Variants in ZNF503 observed in about 807,000 individuals in gnomAD.
ZNF503 encodes the protein zinc finger protein 503.
In ZNF503, 15 loss-of-function variants were observed where a neutral mutation model predicts 34.4. The ratio of observed to expected loss-of-function variants is 0.44; its 90% CI spans 0.29 to 0.67. The LOEUF is 0.67. Ranked by LOEUF, ZNF503 falls within the 30% of genes least tolerant of loss-of-function variation. The pLI is 0.13. For missense variants in ZNF503, 1,007 were observed against 926.8 expected (o/e 1.09, Z -1.12); for synonymous variants, 580 against 456.8 (o/e 1.27, Z -3.44).
chr10:75,348,955 A>G, the ZNF503 span, among the ~76,000 whole-genome samples: 2 of 151,888 alleles, frequency 1.3e-5, no homozygotes, highest in Non-Finnish European at 2.9e-5. Context: ...ACGTTTTGCT[A>G]TATACTCTCT....
chr10:75,370,130 A>T, the ZNF503 span, among the ~76,000 whole-genome samples: 1 of 152,108 alleles, frequency 6.6e-6, no homozygotes, highest in African/African-American at 2.4e-5. Context: ...GGGAGGTTAG[A>T]GTACAACAGA....
At chr10:75,324,019 G>T in the ZNF503 span, among the ~76,000 whole-genome samples, 1 of 147,022 alleles carries the variant, frequency 6.8e-6, no homozygotes, top group African/African-American at 2.5e-5. Flanking sequence ...AAAAAGGGTT[G>T]CTTGTTTTCT....
the ZNF503 span, among the ~76,000 whole-genome samples, chr10:75,378,508 C>A: frequency 1.3e-5 from 2 of 151,910 alleles, no homozygotes; most frequent in Non-Finnish European, 2.9e-5. Context: ...TATCCATGAC[C>A]CACTCTCTCC....
chr10:75,320,114 T>G, the ZNF503 span, among the ~76,000 whole-genome samples: 2 of 152,140 alleles, frequency 1.3e-5, no homozygotes, highest in African/African-American at 4.8e-5. Context: ...TAAAACTAGA[T>G]AAAGAGAGTA....
At chr10:75,331,931 C>T in the ZNF503 span, among the ~76,000 whole-genome samples, 7 of 151,966 alleles carry the variant, frequency 4.6e-5, no homozygotes, top group African/African-American at 7.2e-5. Context: ...ATACTTTTGT[C>T]TCTTTTTACT....
chr10:75,283,200 G>A, the ZNF503 span: 1 of 152,272 alleles, frequency 6.6e-6, no homozygotes, highest in Admixed American at 6.5e-5. Flanking sequence ...TTCCCACCCG[G>A]GACTTTCAGA....
At chr10:75,294,996 G>A in the ZNF503 span, among the ~76,000 whole-genome samples, 6 of 152,270 alleles carry the variant, frequency 3.9e-5, no homozygotes, top group Admixed American at 3.9e-4. Flanking sequence ...GCACTTCAAA[G>A]GCCTACGGGT....
At chr10:75,328,966 A>G in the ZNF503 span, among the ~76,000 whole-genome samples, 1 of 152,014 alleles carries the variant, frequency 6.6e-6, no homozygotes, top group South Asian at 2.1e-4. Flanking sequence ...AGGCTGGTCT[A>G]GAACTCCTGA....
chr10:75,388,675 G>A, the ZNF503 span, among the ~76,000 whole-genome samples: 5 of 152,326 alleles, frequency 3.3e-5, no homozygotes, highest in African/African-American at 1.2e-4. Flanking sequence ...GCTAATGATA[G>A]TGCCTCCTTC....
At chr10:75,343,390 G>C in the ZNF503 span, 3 of 152,302 alleles carry the variant, frequency 2.0e-5, no homozygotes, top group Non-Finnish European at 4.4e-5. Flanking sequence ...GGGTTGCCCA[G>C]GAAGGGGTTT....
At chr10:75,348,068 T>C in the ZNF503 span, among the ~76,000 whole-genome samples, 52 of 151,692 alleles carry the variant, frequency 3.4e-4, no homozygotes, top group African/African-American at 1.2e-3. Flanking sequence ...TTCTTTTCTT[T>C]TTTTTGTTTT....
chr10:75,307,930 A>G, the ZNF503 span, among the ~76,000 whole-genome samples: 3 of 152,154 alleles, frequency 2.0e-5, no homozygotes, highest in Admixed American at 6.5e-5. Flanking sequence ...AAATAAAAAA[A>G]TGAGCCAGAT....
chr10:75,364,003 T>C, the ZNF503 span, among the ~76,000 whole-genome samples: 8 of 152,336 alleles, frequency 5.3e-5, no homozygotes, highest in East Asian at 9.6e-4. Context: ...GGGTTTGTCT[T>C]TAGGTGCAAG....
the ZNF503 span, among the ~76,000 whole-genome samples, chr10:75,319,607 G>A: frequency 2.0e-5 from 3 of 152,054 alleles, no homozygotes; most frequent in Non-Finnish European, 4.4e-5. Flanking sequence ...AAGAACAAAT[G>A]AAAAATAAAG....
the ZNF503 span, among the ~76,000 whole-genome samples, chr10:75,379,323 G>A: frequency 2.0e-5 from 3 of 152,150 alleles, no homozygotes; most frequent in Middle Eastern, 3.2e-3. Context: ...TGATGAATAT[G>A]ACATGTGACC....
chr10:75,341,279 A>G, the ZNF503 span, among the ~76,000 whole-genome samples: 1 of 152,256 alleles, frequency 6.6e-6, no homozygotes, highest in African/African-American at 2.4e-5. Context: ...TAGAAACTAT[A>G]ATATAAACAT....
At chr10:75,360,123 T>TC in the ZNF503 span, among the ~76,000 whole-genome samples, 1 of 144,852 alleles carries the variant, frequency 6.9e-6, no homozygotes, top group Non-Finnish European at 1.5e-5. Context: ...TCTTTTTTTT[T>TC]TTTTTTTTTT....
chr10:75,343,328 C>G, the ZNF503 span: 1 of 152,264 alleles, frequency 6.6e-6, no homozygotes, highest in Admixed American at 6.5e-5. Context: ...TCTTTCTGGG[C>G]TGGTACATAC....
At chr10:75,286,237 T>G in the ZNF503 span, among the ~76,000 whole-genome samples, 1 of 150,142 alleles carries the variant, frequency 6.7e-6, no homozygotes, top group East Asian at 2.0e-4. Context: ...GAGCAGAGAT[T>G]GTGCGCCACT....
Sources: allele counts gnomAD v4.1 joint callset (sites outside exome capture counted in the v4.1 genomes callset), GRCh38; gene constraint gnomAD v4.1.1; transcripts MANE v1.5; gene names NCBI Gene and HGNC (gene_info 2026-07-23, HGNC 2026-07-21).